Variants in SLC36A1 observed in about 807,000 individuals in gnomAD.
The protein encoded by SLC36A1 is proton-coupled amino acid transporter 1.
Under a neutral mutation model 47.5 loss-of-function variants are expected in SLC36A1, and 30 were observed. The observed-to-expected ratio is 0.63, with a 90% CI of 0.47 to 0.86. SLC36A1 has a LOEUF of 0.86. Ranked by LOEUF, SLC36A1 falls within the 40% of genes least tolerant of loss-of-function variation. The pLI is 0.00. For synonymous variants in SLC36A1, 255 were observed against 249.7 expected, an observed-to-expected ratio of 1.02 and a Z score of -0.20; for missense variants, 517 against 606.0, an observed-to-expected ratio of 0.85 and a Z score of 1.54.
chr5:151,491,216 G>A lies in SLC36A1; in HGVS notation c.*2962G>A, dbSNP rs1760088595. The A allele has an allele frequency of 6.6e-6, 1 of 152,622 alleles. No individual in the cohort carries two copies. The highest frequency in any genetic ancestry group is 1.5e-5 in the Non-Finnish European group (1 of 68,038). The allele number at this position is 152,622 out of a possible 1,614,324, so 9.5% of individuals were successfully genotyped here. A position where few individuals can be genotyped will look rare whatever the true frequency, so the allele number is the denominator to read the frequency against. The stretch of plus-strand genomic sequence containing the variant: ...CACTTGCTAGGAAGAGTGTGAGCTG[G>A]CGTCTTCTGTTCACCCTGCCTAGCA... On this transcript the variant is annotated 3_prime_UTR_variant, in exon 11 of 11. Coordinates refer to ENST00000243389, the MANE Select transcript of SLC36A1 (RefSeq NM_078483.4).
chr5:151,540,510 C>T, the SLC36A1 span: 1 of 1,510,620 alleles, frequency 6.6e-7, no homozygotes, highest in East Asian at 2.3e-5. Flanking sequence ...TTCTCCCACC[C>T]CTCACTCTTA....
chr5:151,358,487 T>C, the SLC36A1 span, among the ~76,000 whole-genome samples: 1 of 152,162 alleles, frequency 6.6e-6, no homozygotes, highest in Admixed American at 6.5e-5. Context: ...GGTCTTGAAC[T>C]CCTGGCCTCC....
the SLC36A1 span, chr5:151,550,502 A>AG: frequency 4.2e-6 from 6 of 1,429,224 alleles, no homozygotes; most frequent in Non-Finnish European, 5.8e-6. Flanking sequence ...TATGAGGGGA[A>AG]GGGGGACCTT....
the SLC36A1 span, among the ~76,000 whole-genome samples, chr5:151,538,472 C>T: frequency 6.6e-6 from 1 of 152,196 alleles, no homozygotes; most frequent in Non-Finnish European, 1.5e-5. Flanking sequence ...CCAGTGGCCC[C>T]ATCGCTTGGC....
chr5:151,540,568 T>G, the SLC36A1 span: 10 of 1,610,758 alleles, frequency 6.2e-6, no homozygotes, highest in Non-Finnish European at 8.5e-6. Context: ...GGCTCTCACC[T>G]GTGAACACTG....
chr5:151,546,104 C>T, the SLC36A1 span: 1 of 1,614,112 alleles, frequency 6.2e-7, no homozygotes, highest in Non-Finnish European at 8.5e-7. Flanking sequence ...GGGGAACCAA[C>T]AGGGATTGAT....
chr5:151,398,774 A>G, the SLC36A1 span, among the ~76,000 whole-genome samples: 1 of 152,190 alleles, frequency 6.6e-6, no homozygotes, highest in Non-Finnish European at 1.5e-5. Flanking sequence ...TGCAGGTGCA[A>G]GCCCTGGCTT....
the SLC36A1 span, chr5:151,529,156 G>C: frequency 1.2e-6 from 2 of 1,609,738 alleles, no homozygotes; most frequent in East Asian, 2.2e-5. Context: ...GTCCCACAAA[G>C]AGCAAGGTGG....
intron 9 of SLC36A1, among the ~76,000 whole-genome samples, chr5:151,478,850 G>C (rs1758429858): frequency 6.6e-6 from 1 of 151,848 alleles, no homozygotes; most frequent in African/African-American, 2.4e-5. Context: ...AAGACAAATT[G>C]TAGCACTCTG....
At chr5:151,431,537 A>G in the SLC36A1 span, among the ~76,000 whole-genome samples, 48,423 of 151,990 alleles carry the variant, frequency 0.32, 9,628 homozygotes, top group African/African-American at 0.57. Context: ...TATAACTCCC[A>G]CAATTCCCAT....
chr5:151,443,267 C>A (rs114665854), upstream of SLC36A1, among the ~76,000 whole-genome samples: 238 of 152,198 alleles, frequency 1.6e-3, no homozygotes, highest in Middle Eastern at 0.014. Context: ...ATGGCTGCAC[C>A]AGTCTACAGT....
the SLC36A1 span, among the ~76,000 whole-genome samples, chr5:151,392,685 G>T: frequency 6.6e-6 from 1 of 152,206 alleles, no homozygotes; most frequent in Admixed American, 6.5e-5. Context: ...GGAGCAGGTT[G>T]TTCAGTTTCC....
the SLC36A1 span, chr5:151,505,493 C>G: frequency 2.2e-4 from 346 of 1,579,942 alleles, 2 homozygotes; most frequent in African/African-American, 2.9e-3. Flanking sequence ...CAACTCACCC[C>G]CTACGAGACA....
intron 5 of SLC36A1, among the ~76,000 whole-genome samples, chr5:151,466,670 C>T (rs1193575785): frequency 1.3e-5 from 2 of 152,142 alleles, no homozygotes; most frequent in African/African-American, 4.8e-5. Flanking sequence ...GTGAAGGGGA[C>T]TATTTCCTTG....
intron 2 of SLC36A1, among the ~76,000 whole-genome samples, chr5:151,460,457 T>G (rs148550823): frequency 8.3e-4 from 127 of 152,320 alleles, no homozygotes; most frequent in African/African-American, 2.9e-3. Context: ...AGAAGATACC[T>G]TCCTCAGGCT....
chr5:151,370,232 T>C, the SLC36A1 span, among the ~76,000 whole-genome samples: 3 of 152,220 alleles, frequency 2.0e-5, no homozygotes, highest in Admixed American at 6.5e-5. Flanking sequence ...AGACAGCTTT[T>C]CCCCAAGAGT....
chr5:151,368,533 G>A, the SLC36A1 span, among the ~76,000 whole-genome samples: 1 of 152,132 alleles, frequency 6.6e-6, no homozygotes, highest in Admixed American at 6.5e-5. Context: ...AGTATCTGTG[G>A]GAACTCCTTG....
the SLC36A1 span, chr5:151,512,885 A>G: frequency 4.4e-6 from 2 of 454,592 alleles, no homozygotes; most frequent in Non-Finnish European, 8.0e-6. The surrounding 1 kb of genome is among the most constrained non-coding windows in gnomAD (Gnocchi z 4.1). Context: ...TTTGCTGATC[A>G]AGACCCTGTA....
downstream of SLC36A1, among the ~76,000 whole-genome samples, chr5:151,495,892 T>A (rs1760324319): frequency 1.3e-5 from 2 of 152,230 alleles, no homozygotes; most frequent in African/African-American, 4.8e-5. Flanking sequence ...GGTTCCATGG[T>A]ACTGATGTTT....
Sources: allele counts gnomAD v4.1 joint callset (sites outside exome capture counted in the v4.1 genomes callset), GRCh38; gene constraint gnomAD v4.1.1; non-coding constraint Gnocchi (gnomAD v3.1); transcripts MANE v1.5; gene names NCBI Gene and HGNC (gene_info 2026-07-23, HGNC 2026-07-21).